LARGE1: variants seen among roughly 807,000 people sequenced by gnomAD.
LARGE1 encodes xylosyl- and glucuronyltransferase LARGE1.
Under a neutral mutation model 87.6 loss-of-function variants are expected in LARGE1, and 43 were observed. That is an observed-to-expected ratio of 0.49 (90% CI 0.38 to 0.63). The LOEUF is 0.63. Ranked by LOEUF, LARGE1 falls within the 30% of genes least tolerant of loss-of-function variation. The probability of loss-of-function intolerance (pLI) is 0.00; values close to 1 mark genes in which losing one functional copy is unlikely to be tolerated. For missense variants in LARGE1, 802 were observed against 1,000.2 expected (o/e 0.80, Z 2.67); for synonymous variants, 434 against 394.6 (o/e 1.10, Z -1.18).
chr22:33,774,570 C>A (rs112140943), intron 1 of LARGE1, among the ~76,000 whole-genome samples: 15,295 of 152,152 alleles, frequency 0.1, 902 homozygotes, highest in South Asian at 0.25. Flanking sequence ...GTTGGCCAGG[C>A]TGGTCTCGAA....
At chr22:33,503,529 G>T (rs1284057843) in intron 6 of LARGE1, among the ~76,000 whole-genome samples, 1 of 152,120 alleles carries the variant, frequency 6.6e-6, no homozygotes, top group East Asian at 1.9e-4. Flanking sequence ...AGTGTTTATA[G>T]CAGCATTATT....
intron 1 of LARGE1, among the ~76,000 whole-genome samples, chr22:33,774,086 T>TG (rs1341622351): frequency 7.3e-4 from 57 of 77,718 alleles, no homozygotes; most frequent in African/African-American, 2.7e-3. Context: ...GGGGTGGGGG[T>TG]GGAGGGGCGG....
chr22:33,595,263 G>A (rs769276710), intron 5 of LARGE1, among the ~76,000 whole-genome samples: 4 of 152,040 alleles, frequency 2.6e-5, no homozygotes, highest in Non-Finnish European at 5.9e-5. Context: ...GTTAAATGAA[G>A]TATGAATGAG....
At chr22:33,614,398 C>G (rs1376001483) in intron 4 of LARGE1, among the ~76,000 whole-genome samples, 2 of 152,184 alleles carry the variant, frequency 1.3e-5, no homozygotes, top group Non-Finnish European at 2.9e-5. Context: ...GATATATCCT[C>G]TAGCCCCTAA....
intron 7 of LARGE1, among the ~76,000 whole-genome samples, chr22:33,406,812 G>T (rs1048438880): frequency 1.1e-4 from 17 of 152,278 alleles, no homozygotes; most frequent in African/African-American, 3.4e-4. Context: ...TATTTTTTGA[G>T]AAGGAGTTTC....
At position 33,519,235 on chromosome 22, in the gene LARGE1, C is replaced by CGCGCGTGTGTGT. The variant is rs112192440; in HGVS notation, c.787+45612_787+45613insACACACACGCGC. On this transcript the variant is annotated intron_variant, in intron 6 of 14. Coordinates refer to ENST00000397394, the MANE Select transcript of LARGE1 (RefSeq NM_133642.5). ...TCCCTGAGCTGCGTGCGTGCGCGCGCGTGTGTGTGTGTGTGTGTGTGTGGT... is the reference window on the plus strand; with the variant it reads ...TCCCTGAGCTGCGTGCGTGCGCGCGCGCGCGTGTGTGTGTGTGTGTGTGTGTGTGTGTGTGGT... Among the ~76,000 whole-genome samples, 12 of 149,644 alleles carry CGCGCGTGTGTGT rather than the reference C, an allele frequency of 8.0e-5. No individual in the cohort carries two copies. In the South Asian group the frequency reaches 2.4e-3, roughly 29 times the overall value.
At chr22:33,429,045 G>C (rs929422459) in intron 7 of LARGE1, among the ~76,000 whole-genome samples, 3 of 151,388 alleles carry the variant, frequency 2.0e-5, no homozygotes, top group African/African-American at 7.3e-5. Flanking sequence ...CTCTAACCCA[G>C]ATCTGCCTGA....
chr22:33,300,503 G>A (rs943051543), intron 12 of LARGE1, among the ~76,000 whole-genome samples: 1 of 152,142 alleles, frequency 6.6e-6, no homozygotes, highest in Non-Finnish European at 1.5e-5. Flanking sequence ...AACCTCCCAA[G>A]TCGCTGAAAC....
At chr22:33,235,894 T>C (rs1926226099) in intron 11 of LARGE1, among the ~76,000 whole-genome samples, 1 of 152,210 alleles carries the variant, frequency 6.6e-6, no homozygotes, top group South Asian at 2.1e-4. Context: ...GGCTTTATTT[T>C]ATAGGTTCTT....
intron 1 of LARGE1, among the ~76,000 whole-genome samples, chr22:33,789,289 G>A (rs2085747670): frequency 6.6e-6 from 1 of 152,234 alleles, no homozygotes; most frequent in African/African-American, 2.4e-5. Flanking sequence ...TGGGGGTAAA[G>A]AGAAGTCAAT....
intron 1 of LARGE1, among the ~76,000 whole-genome samples, chr22:33,801,772 G>C (rs2086167814): frequency 6.6e-6 from 1 of 152,090 alleles, no homozygotes; most frequent in African/African-American, 2.4e-5. Flanking sequence ...TAAAATCCAA[G>C]ATCAGAAGAG....
chr22:33,301,761 C>A (rs573054752), intron 12 of LARGE1, among the ~76,000 whole-genome samples: 3 of 152,310 alleles, frequency 2.0e-5, no homozygotes, highest in African/African-American at 7.2e-5. Flanking sequence ...CTAAGGCCAA[C>A]TACCACCTCA....
chr22:33,516,147 A>G lies in LARGE1; in HGVS notation c.787+48701T>C, dbSNP rs572342852. On this transcript the variant is annotated intron_variant, in intron 6 of 14. Transcript: ENST00000397394. The stretch of plus-strand genomic sequence containing the variant: ...GACTGATGGCGGAGGCCCCTCTGCT[A>G]AGGTGAGCTCTGGGCAGAAACCTGC... 3.9e-5 allele frequency among the ~76,000 whole-genome samples: 6 copies of G among 152,312 alleles called. No individual in the cohort carries two copies. The South Asian group carries it at 1.2e-3, about 32-fold the overall frequency.
intron 6 of LARGE1, among the ~76,000 whole-genome samples, chr22:33,548,176 T>C (rs1038652571): frequency 1.3e-4 from 20 of 152,182 alleles, no homozygotes; most frequent in African/African-American, 4.6e-4. Flanking sequence ...CATCCCTTGG[T>C]ATTCTGGTGA....
At chr22:33,487,578 C>T (rs762384575) in intron 6 of LARGE1, among the ~76,000 whole-genome samples, 7 of 152,178 alleles carry the variant, frequency 4.6e-5, no homozygotes, top group Non-Finnish European at 5.9e-5. Flanking sequence ...AGTGCCTATC[C>T]ATCTCGCAGG....
chr22:33,122,954 AG>A, the LARGE1 span, among the ~76,000 whole-genome samples: 5 of 152,138 alleles, frequency 3.3e-5, no homozygotes, highest in African/African-American at 1.2e-4. Flanking sequence ...CTTGGGCAGC[AG>A]GGGGCATAGG....
At chr22:33,115,534 G>T in the LARGE1 span, among the ~76,000 whole-genome samples, 1 of 151,542 alleles carries the variant, frequency 6.6e-6, no homozygotes, top group Non-Finnish European at 1.5e-5. Flanking sequence ...AAGAAGAGAA[G>T]AGGCCAGGCG....
intron 5 of LARGE1, among the ~76,000 whole-genome samples, chr22:33,597,641 T>C (rs928006830): frequency 6.6e-6 from 1 of 152,186 alleles, no homozygotes; most frequent in Non-Finnish European, 1.5e-5. Flanking sequence ...ATCTTTCTGA[T>C]GTTGGTAACA....
chr22:33,159,339 T>C (rs1266972093), downstream of LARGE1, among the ~76,000 whole-genome samples: 1 of 152,218 alleles, frequency 6.6e-6, no homozygotes, highest in Non-Finnish European at 1.5e-5. Context: ...AAAAGCAAAA[T>C]ATCTGTACAC....
Sources: gnomAD v4.1 joint callset for allele counts (sites outside exome capture counted in the v4.1 genomes callset) on GRCh38, gnomAD v4.1.1 for gene constraint, MANE v1.5 for transcripts, NCBI Gene and HGNC (gene_info 2026-07-23, HGNC 2026-07-21) for gene names.